The following FAT1 variants were observed in gnomAD, a reference collection of about 807,000 sequenced individuals.
FAT1 encodes FAT atypical cadherin 1.
FAT1 carries 171 observed loss-of-function variants against 329.8 expected under a neutral mutation model. The observed-to-expected ratio is 0.52, with a 90% CI of 0.46 to 0.59. The LOEUF (loss-of-function observed/expected upper bound fraction) is 0.59, where lower values mean the gene tolerates loss of function less well. Among genes scored for constraint, FAT1 ranks in the 20% least tolerant of loss-of-function variants. The pLI is 0.00. For missense variants in FAT1, 5,672 were observed against 5,774.4 expected (o/e 0.98, Z 0.57); for synonymous variants, 2,233 against 2,228.6 (o/e 1.00, Z -0.06).
Position 186,603,903 on chromosome 4 carries a change from A to G in FAT1, c.10623T>C (p.Tyr3541=), listed in dbSNP as rs2126435082. 1 of 1,613,968 alleles carries G rather than the reference A, an allele frequency of 6.2e-7. No individual in the cohort carries two copies. Among genetic ancestry groups the G allele is most frequent in the Non-Finnish European group, 8.5e-7 (1 of 1,179,838 alleles). ...TCTCCAGGGGCAAAATCGCAGGCGGATAGATGCTCTCCTCAATTACCCTAA... is the reference window on the plus strand; with the variant it reads ...TCTCCAGGGGCAAAATCGCAGGCGGGTAGATGCTCTCCTCAATTACCCTAA... The part of the protein sequence containing the change: ...IDIRVIEESI[Y]PPAILPLEIF... The change falls in exon 19 of 27, where the codon TAT becomes TAC. Residue 3541 remains tyrosine (Y), a synonymous_variant. Coordinates refer to ENST00000441802, the MANE Select transcript of FAT1 (RefSeq NM_005245.4).
chr4:186,594,321 A>G (rs1455405384), intron 26 of FAT1, among the ~76,000 whole-genome samples: 1 of 151,926 alleles, frequency 6.6e-6, no homozygotes, highest in African/African-American at 2.4e-5. Context: ...TTCACCTCCC[A>G]AAGTGCTGGG....
In FAT1 at chr4:186,611,524, C is replaced by T. The variant is rs777770871; in HGVS notation, c.9715G>A (p.Val3239Met). The part of the protein sequence containing the change: ...VFEYREYGAT[V>M]SEDILVGTEV... ...GTTCCAACAAGAATGTCCTCAGACA[C>T]GGTGGCACCATATTCACGGTACTCA... is the stretch of plus-strand genomic sequence containing the variant. The change falls in exon 14 of 27, where the codon GTG (valine) becomes ATG (methionine). Residue 3239 changes from valine (V) to methionine (M), a missense_variant. This residue lies in a region of FAT1 where 1,706 missense variants were observed against 1,859.1 expected (regional missense o/e 0.92). Transcript: ENST00000441802. The T allele has an allele frequency of 6.1e-5, 98 of 1,613,862 alleles. No individual in the cohort carries two copies. The highest frequency in any genetic ancestry group is 7.7e-5 in the Non-Finnish European group (91 of 1,179,900).
chr4:186,590,519 C>G, intron 26 of FAT1: 1 of 564,308 alleles, frequency 1.8e-6, no homozygotes, highest in Non-Finnish European at 3.1e-6. Context: ...GCCCAATCAG[C>G]CATACAGCAT....
At chr4:186,699,496 G>A (rs933391176) in intron 2 of FAT1, among the ~76,000 whole-genome samples, 9 of 152,138 alleles carry the variant, frequency 5.9e-5, no homozygotes, top group African/African-American at 2.2e-4. Flanking sequence ...AAGTATATAT[G>A]TGAATAGTTT....
In FAT1 at chr4:186,620,238, C is replaced by G. The variant is rs757248322; in HGVS notation, c.6348G>C (p.Val2116=). Residue 2116 remains valine, a synonymous_variant, in exon 10 of 27, where the codon GTG becomes GTC. Coordinates refer to ENST00000441802, the MANE Select transcript of FAT1 (RefSeq NM_005245.4). ...VDRDSGRNGE[V]HYYLKEHHEH... is the part of the protein sequence containing the mutation. The stretch of plus-strand genomic sequence containing the variant: ...CATGATGTTCCTTGAGGTAGTAATG[C>G]ACTTCCCCGTTTCTGCCACTGTCTC... 1 of 1,614,010 alleles carries G rather than the reference C, an allele frequency of 6.2e-7. No homozygotes were observed. Among genetic ancestry groups the G allele is most frequent in the Non-Finnish European group, 8.5e-7 (1 of 1,179,896 alleles).
chr4:186,626,977 C>A (rs328436), intron 9 of FAT1, among the ~76,000 whole-genome samples: 3,249 of 81,148 alleles, frequency 0.04, 378 homozygotes, highest in African/African-American at 0.16. Flanking sequence ...CAACATGGCA[C>A]CTGGCACATA....
In FAT1 at chr4:186,682,627, A is replaced by C. The variant is rs1401502464; in HGVS notation, c.3266-19014T>G. On this transcript the variant is annotated intron_variant, in intron 2 of 26. Transcript: ENST00000441802. ...AAAAACATGCTTCTGAAAGAAAACA[A>C]CTTTTAATGATTTGTTTTTAAAGTA... is the stretch of plus-strand genomic sequence containing the variant. Among the ~76,000 whole-genome samples the C allele has an allele frequency of 2.0e-5, 3 of 152,200 alleles. No homozygotes were observed. The South Asian group carries it at 6.2e-4, about 32-fold the overall frequency.
intron 1 of FAT1, 62 bp from the exon 2 acceptor site, chr4:186,709,907 T>C (rs757324159): frequency 2.4e-4 from 335 of 1,414,778 alleles, no homozygotes; most frequent in Middle Eastern, 7.3e-4. Context: ...AGTGTGTACA[T>C]TGTTTTAAAC....
In FAT1 at chr4:186,709,092, G is replaced by A. The variant is rs2126701449; in HGVS notation, c.736C>T (p.His246Tyr). ...GISSMAKLTV[H>Y]IEQANECAPV... ...GCACATTCATTGGCCTGTTCGATGT[G>A]CACCGTTAGCTTGGCCATGCTGCTG... The change falls in exon 2 of 27, where the codon CAC becomes TAC. Residue 246 changes from histidine to tyrosine, a missense_variant. Physicochemically the swap from His to Tyr is moderately conservative, Grantham distance 83. Around this residue, in one of 2 missense-constraint regions of FAT1, gnomAD observed 3,966 missense variants for 3,915.2 expected, o/e 1.01. Transcript: ENST00000441802. The A allele has an allele frequency of 1.2e-6, 2 of 1,613,742 alleles. No homozygotes were observed. Among genetic ancestry groups the A allele is most frequent in the Non-Finnish European group, 8.5e-7 (1 of 1,179,700 alleles).
chr4:186,603,336 T>C lies in FAT1; in HGVS notation c.11190A>G (p.Ile3730Met), dbSNP rs759999854. The C allele has an allele frequency of 1.1e-5, 18 of 1,614,022 alleles. No homozygotes were observed. In the East Asian group the frequency reaches 2.7e-4, roughly 24 times the overall value. Residue 3730 changes from isoleucine to methionine, a missense_variant, in exon 19 of 27, where the codon ATA becomes ATG. Transcript: ENST00000441802. ...TDIEEIIGVRILNVFQKLCAG... is the reference protein window; with the variant it reads ...TDIEEIIGVRMLNVFQKLCAG... ...CGCAGAGTTTCTGGAATACATTCAG[T>C]ATCCTAACTCCAATGATTTCCTCAA...
intron 3 of FAT1, among the ~76,000 whole-genome samples, chr4:186,659,814 A>G (rs1444322617): frequency 2.0e-5 from 3 of 147,518 alleles, no homozygotes; most frequent in African/African-American, 7.6e-5. Flanking sequence ...CTGTCCCCTG[A>G]ACGACCCTGG....
intron 22 of FAT1, 78 bp downstream of exon 22, chr4:186,599,820 T>A (rs1387563135): frequency 3.5e-6 from 4 of 1,137,088 alleles, no homozygotes; most frequent in Non-Finnish European, 5.0e-6. Flanking sequence ...GAGAAAAAAA[T>A]AAAAAAATAC....
intron 3 of FAT1, among the ~76,000 whole-genome samples, chr4:186,647,156 C>T (rs1366698493): frequency 2.6e-5 from 4 of 152,128 alleles, no homozygotes; most frequent in Non-Finnish European, 5.9e-5. Flanking sequence ...CAAAGGCATA[C>T]AATTTATTTA....
At chr4:186,626,657 A>C (rs1293252327) in intron 9 of FAT1, among the ~76,000 whole-genome samples, 2 of 137,150 alleles carry the variant, frequency 1.5e-5, no homozygotes, top group African/African-American at 2.8e-5. Context: ...AGAATGAATG[A>C]ATGAATGAAT....
chr4:186,606,709 G>A (rs766533316), intron 16 of FAT1, among the ~76,000 whole-genome samples: 3 of 151,912 alleles, frequency 2.0e-5, no homozygotes, highest in Non-Finnish European at 2.9e-5. Flanking sequence ...TTTCACACTC[G>A]GATTATACTC....
At chr4:186,634,817 AAAG>A (rs1342171137) in intron 6 of FAT1, among the ~76,000 whole-genome samples, 1 of 152,256 alleles carries the variant, frequency 6.6e-6, no homozygotes, top group Non-Finnish European at 1.5e-5. Flanking sequence ...GCACAGCCAA[AAAG>A]AAGCAAGCGC....
chr4:186,600,155 T>C lies in FAT1; in HGVS notation c.11846A>G (p.Tyr3949Cys), dbSNP rs193094769. Residue 3949 changes from tyrosine to cysteine, a missense_variant, in exon 22 of 27, where the codon TAT becomes TGT. Coordinates refer to ENST00000441802, the MANE Select transcript of FAT1 (RefSeq NM_005245.4). ...ACGGATGTGGCCACCAAAAAACACA[T>C]AGTTATCCAGGTTCAGGGTTTTCAG... ...GTLKTLNLDN[Y>C]VFFGGHIRQQ... 8.7e-6 allele frequency: 14 copies of C among 1,613,974 alleles called. No homozygotes were observed. Among genetic ancestry groups the C allele is most frequent in the Admixed American group, 1.7e-5 (1 of 60,018 alleles).
intron 2 of FAT1, among the ~76,000 whole-genome samples, chr4:186,669,353 G>A (rs1264925613): frequency 2.6e-5 from 4 of 152,190 alleles, no homozygotes; most frequent in South Asian, 2.1e-4. Context: ...CAGTGAGAGC[G>A]GTCGTGATGC....
At chr4:186,627,384 G>C (rs1740363273) in intron 9 of FAT1, among the ~76,000 whole-genome samples, 1 of 152,252 alleles carries the variant, frequency 6.6e-6, no homozygotes, top group African/African-American at 2.4e-5. Context: ...ATGAATGAAT[G>C]AATGAGGGAA....
Sources: gnomAD v4.1 joint callset for allele counts (sites outside exome capture counted in the v4.1 genomes callset) on GRCh38, gnomAD v4.1.1 for gene constraint, gnomAD v4.1.1 regional missense constraint, MANE v1.5 for transcripts, NCBI Gene and HGNC (gene_info 2026-07-23, HGNC 2026-07-21) for gene names.